The following NAALADL2 variants were observed in gnomAD, a reference collection of about 807,000 sequenced individuals.
NAALADL2 encodes inactive N-acetylated-alpha-linked acidic dipeptidase-like protein 2.
Under a neutral mutation model 87.2 loss-of-function variants are expected in NAALADL2, and 76 were observed. The observed-to-expected ratio is 0.87, with a 90% CI of 0.72 to 1.05. NAALADL2 has a LOEUF of 1.05. Ranked by LOEUF, NAALADL2 falls within the 50% of genes least tolerant of loss-of-function variation. The probability of loss-of-function intolerance (pLI) is 0.00; values close to 1 mark genes in which losing one functional copy is unlikely to be tolerated. For synonymous variants in NAALADL2, 354 were observed against 331.0 expected (o/e 1.07, Z -0.75); for missense variants, 1,089 against 945.8 (o/e 1.15, Z -1.99).
intron 1 of NAALADL2, among the ~76,000 whole-genome samples, chr3:174,926,267 A>C (rs1250804073): frequency 6.6e-6 from 1 of 152,216 alleles, no homozygotes; most frequent in Admixed American, 6.5e-5. Context: ...GAATGGAACC[A>C]AGTTGGAAAA....
intron 11 of NAALADL2, among the ~76,000 whole-genome samples, chr3:175,724,140 G>A (rs555135952): frequency 2.7e-4 from 41 of 152,090 alleles, no homozygotes; most frequent in Middle Eastern, 3.4e-3. Flanking sequence ...GATAAATATC[G>A]CTCAGATAAA....
intron 1 of NAALADL2, among the ~76,000 whole-genome samples, chr3:174,502,641 A>G (rs1234036299): frequency 5.9e-5 from 9 of 152,186 alleles, no homozygotes; most frequent in Non-Finnish European, 1.3e-4. Context: ...GAACCTGTTA[A>G]TAGGGGAGAG....
At chr3:175,557,810 T>C (rs1009579863) in intron 9 of NAALADL2, among the ~76,000 whole-genome samples, 1 of 152,298 alleles carries the variant, frequency 6.6e-6, no homozygotes, top group East Asian at 1.9e-4. Flanking sequence ...TGATACCACA[T>C]TGTAGTTCTG....
At chr3:175,068,472 G>C (rs923516064) in intron 1 of NAALADL2, among the ~76,000 whole-genome samples, 1 of 152,140 alleles carries the variant, frequency 6.6e-6, no homozygotes, top group African/African-American at 2.4e-5. Flanking sequence ...TGAATGTTGT[G>C]ATAGACCACC....
At chr3:175,228,398 G>C (rs1431091442) in intron 2 of NAALADL2, among the ~76,000 whole-genome samples, 1 of 151,762 alleles carries the variant, frequency 6.6e-6, no homozygotes, top group Non-Finnish European at 1.5e-5. Flanking sequence ...TTTCCATTTT[G>C]AGTAATTTGT....
chr3:175,286,827 C>T (rs1172239450), intron 4 of NAALADL2, among the ~76,000 whole-genome samples: 1 of 152,102 alleles, frequency 6.6e-6, no homozygotes, highest in African/African-American at 2.4e-5. Context: ...TGCGGTAACT[C>T]ATGCCTGTAA....
At chr3:175,799,263 A>G (rs977272030) in intron 13 of NAALADL2, among the ~76,000 whole-genome samples, 20 of 152,048 alleles carry the variant, frequency 1.3e-4, no homozygotes, top group Non-Finnish European at 2.4e-4. Context: ...AAAATGATTA[A>G]TTTTTTAATT....
chr3:175,348,860 G>A (rs751185219), intron 5 of NAALADL2, among the ~76,000 whole-genome samples: 2 of 152,068 alleles, frequency 1.3e-5, no homozygotes, highest in Non-Finnish European at 2.9e-5. Flanking sequence ...CCGTTATAAC[G>A]TGTATCTATT....
chr3:174,758,983 G>C (rs962459650), intron 3 of NAALADL2, among the ~76,000 whole-genome samples: 15 of 152,160 alleles, frequency 9.9e-5, no homozygotes, highest in Admixed American at 6.5e-4. Context: ...AGAAAAATGT[G>C]TATGTAAATA....
intron 5 of NAALADL2, among the ~76,000 whole-genome samples, chr3:175,340,739 G>T (rs541765065): frequency 2.0e-5 from 3 of 152,126 alleles, no homozygotes; most frequent in Admixed American, 2.0e-4. Flanking sequence ...CTTTCCTCAT[G>T]ATGTGTATCT....
intron 2 of NAALADL2, among the ~76,000 whole-genome samples, chr3:174,715,245 A>T (rs1305955975): frequency 1.3e-5 from 2 of 152,120 alleles, no homozygotes; most frequent in South Asian, 4.1e-4. Context: ...GTTCTTTTAG[A>T]TATCTAGGCA....
At chr3:175,458,224 C>G (rs1010006174) in intron 6 of NAALADL2, among the ~76,000 whole-genome samples, 1 of 151,912 alleles carries the variant, frequency 6.6e-6, no homozygotes, top group Non-Finnish European at 1.5e-5. Flanking sequence ...TCATCTATTG[C>G]TATTGAAGTG....
intron 9 of NAALADL2, among the ~76,000 whole-genome samples, chr3:175,558,919 C>T (rs749026190): frequency 1.9e-4 from 29 of 151,900 alleles, no homozygotes; most frequent in Non-Finnish European, 2.8e-4. Context: ...TCTTTTGTGG[C>T]TCCATATAAA....
intron 9 of NAALADL2, among the ~76,000 whole-genome samples, chr3:175,527,160 T>A (rs1733529415): frequency 6.6e-6 from 1 of 152,094 alleles, no homozygotes. Context: ...GGAGGAAATT[T>A]GGGTTTGGAT....
intron 13 of NAALADL2, among the ~76,000 whole-genome samples, chr3:175,779,997 G>A (rs575529408): frequency 9.2e-5 from 14 of 152,126 alleles, no homozygotes; most frequent in African/African-American, 2.4e-4. Flanking sequence ...GGCCGGGCGC[G>A]GTGGCTCACG....
At chr3:175,006,175 T>C (rs1748995990) in intron 1 of NAALADL2, among the ~76,000 whole-genome samples, 1 of 152,022 alleles carries the variant, frequency 6.6e-6, no homozygotes, top group African/African-American at 2.4e-5. Flanking sequence ...CCACCTAAAA[T>C]CCCCCATTTC....
intron 1 of NAALADL2, among the ~76,000 whole-genome samples, chr3:174,540,976 C>A (rs947874704): frequency 6.6e-6 from 1 of 152,046 alleles, no homozygotes; most frequent in African/African-American, 2.4e-5. Flanking sequence ...AGAATTAAAA[C>A]GCTCCTCAAA....
chr3:174,772,860 G>A (rs68074022), intron 3 of NAALADL2, among the ~76,000 whole-genome samples: 1 of 151,972 alleles, frequency 6.6e-6, no homozygotes, highest in Non-Finnish European at 1.5e-5. Context: ...AGAGAATGTG[G>A]CAAAAATCAA....
intron 9 of NAALADL2, among the ~76,000 whole-genome samples, chr3:175,493,257 TAAA>T (rs1728351997): frequency 6.6e-6 from 1 of 152,092 alleles, no homozygotes; most frequent in Non-Finnish European, 1.5e-5. Context: ...GAAAATATAA[TAAA>T]TCTTTTTATT....
Sources: allele counts gnomAD v4.1 joint callset (sites outside exome capture counted in the v4.1 genomes callset), GRCh38; gene constraint gnomAD v4.1.1; transcripts MANE v1.5; gene names NCBI Gene and HGNC (gene_info 2026-07-23, HGNC 2026-07-21).